TMEM41B: variants seen among roughly 807,000 people sequenced by gnomAD.
TMEM41B encodes the protein protein stasimon.
TMEM41B carries 18 observed loss-of-function variants against 31.9 expected under a neutral mutation model. The observed-to-expected ratio is 0.56, with a 90% confidence interval of 0.39 to 0.84. The LOEUF (loss-of-function observed/expected upper bound fraction) is 0.84, where lower values mean the gene tolerates loss of function less well. Among genes scored for constraint, TMEM41B ranks in the 40% least tolerant of loss-of-function variants. TMEM41B has a pLI of 0.00. For missense variants in TMEM41B, 322 were observed against 348.0 expected (o/e 0.93, Z 0.59); for synonymous variants, 144 against 124.3 (o/e 1.16, Z -1.05).
chr11:9,286,962 T>C (rs1852851102), intron 5 of TMEM41B, among the ~76,000 whole-genome samples: 1 of 151,040 alleles, frequency 6.6e-6, no homozygotes, highest in African/African-American at 2.4e-5. Context: ...ATCACGCCAC[T>C]GCACTTCAGC....
At chr11:9,296,391 C>T (rs1456632935) in intron 2 of TMEM41B, among the ~76,000 whole-genome samples, 2 of 151,468 alleles carry the variant, frequency 1.3e-5, no homozygotes, top group Non-Finnish European at 2.9e-5. Flanking sequence ...TTTGGGAAGC[C>T]GAGGCGGGTG....
At chr11:9,304,445 G>A (rs1651751671) in intron 1 of TMEM41B, among the ~76,000 whole-genome samples, 1 of 152,010 alleles carries the variant, frequency 6.6e-6, no homozygotes, top group Admixed American at 6.6e-5. Flanking sequence ...CGTTGTTTTG[G>A]TTTATAAATA....
intron 3 of TMEM41B, among the ~76,000 whole-genome samples, chr11:9,293,081 A>C (rs781065097): frequency 8.5e-5 from 13 of 152,054 alleles, no homozygotes; most frequent in Admixed American, 2.0e-4. Context: ...CTACCATTTT[A>C]TCTCTCTCCC....
At chr11:9,301,692 A>T (rs1338099293) in intron 1 of TMEM41B, among the ~76,000 whole-genome samples, 1 of 152,098 alleles carries the variant, frequency 6.6e-6, no homozygotes, top group Non-Finnish European at 1.5e-5. Context: ...TGGACACCTC[A>T]CCCAAGTAGT....
At chr11:9,289,107 A>G (rs1289788065) in intron 3 of TMEM41B, among the ~76,000 whole-genome samples, 1 of 152,184 alleles carries the variant, frequency 6.6e-6, no homozygotes, top group Admixed American at 6.5e-5. Context: ...AAGCTCAAGC[A>G]ATTCTCCCAC....
chr11:9,292,121 T>A (rs1340975577), intron 3 of TMEM41B, among the ~76,000 whole-genome samples: 1 of 152,228 alleles, frequency 6.6e-6, no homozygotes, highest in Non-Finnish European at 1.5e-5. Context: ...CACAAAGTAT[T>A]TGCTCAAAGG....
intron 2 of TMEM41B, among the ~76,000 whole-genome samples, chr11:9,297,788 G>C (rs1853135354): frequency 6.6e-6 from 1 of 151,906 alleles, no homozygotes; most frequent in Non-Finnish European, 1.5e-5. Flanking sequence ...CTCCCAAAGT[G>C]CTAGGACTAA....
intron 1 of TMEM41B, among the ~76,000 whole-genome samples, chr11:9,301,256 A>G (rs1564965400): frequency 6.6e-6 from 1 of 151,992 alleles, no homozygotes; most frequent in Non-Finnish European, 1.5e-5. Context: ...TTAGCTGGGC[A>G]TGGTGGTGGG....
At chr11:9,287,190 C>A (rs1264884381) in intron 5 of TMEM41B, among the ~76,000 whole-genome samples, 1 of 151,778 alleles carries the variant, frequency 6.6e-6, no homozygotes, top group East Asian at 1.9e-4. Flanking sequence ...ACCTATAATC[C>A]CAGCTACTTG....
At chr11:9,313,319 T>C (rs1853607772) in intron 1 of TMEM41B, among the ~76,000 whole-genome samples, 1 of 152,228 alleles carries the variant, frequency 6.6e-6, no homozygotes, top group Admixed American at 6.5e-5. Flanking sequence ...TTTTAAATTA[T>C]TTGAAAATAC....
intron 2 of TMEM41B, among the ~76,000 whole-genome samples, chr11:9,295,926 G>A (rs999564558): frequency 1.3e-5 from 2 of 151,726 alleles, no homozygotes; most frequent in African/African-American, 2.4e-5. Context: ...GCGCGATCTC[G>A]GCTCAGTGCA....
chr11:9,296,338 C>A (rs1853084845), intron 2 of TMEM41B, among the ~76,000 whole-genome samples: 2 of 151,700 alleles, frequency 1.3e-5, no homozygotes, highest in Admixed American at 1.3e-4. Flanking sequence ...AGAAATGAAC[C>A]ACTGGCCAGG....
At chr11:9,301,520 A>G (rs1853259233) in intron 1 of TMEM41B, among the ~76,000 whole-genome samples, 1 of 152,184 alleles carries the variant, frequency 6.6e-6, no homozygotes, top group South Asian at 2.1e-4. Context: ...CCTTCTTCAT[A>G]AAAGTTTACA....
At chr11:9,284,740 G>A (rs550960489) in intron 6 of TMEM41B, among the ~76,000 whole-genome samples, 1 of 148,210 alleles carries the variant, frequency 6.7e-6, no homozygotes, top group Admixed American at 7.0e-5. Context: ...TCCAGCCTGG[G>A]CGACAGAGAG....
chr11:9,304,529 G>A (rs762752969), intron 1 of TMEM41B, among the ~76,000 whole-genome samples: 13 of 151,968 alleles, frequency 8.6e-5, no homozygotes, highest in Non-Finnish European at 1.3e-4. Context: ...CTGGAGTGCA[G>A]TGGTGAAATC....
At chr11:9,314,207 C>G in intron 1 of TMEM41B, 114 bp downstream of exon 1, 1 of 1,329,200 alleles carries the variant, frequency 7.5e-7, no homozygotes, top group East Asian at 2.8e-5. Flanking sequence ...CGCCGCGGCG[C>G]CAGCAGGCCC....
chr11:9,314,497 TC>T lies in TMEM41B; in HGVS notation c.-57del. The T allele has an allele frequency of 6.6e-7, 1 of 1,506,718 alleles. No individual in the cohort carries two copies. The highest frequency in any genetic ancestry group is 8.9e-7 in the Non-Finnish European group (1 of 1,122,844). The allele number at this position is 1,506,718 out of a possible 1,614,324, so 93.3% of individuals were successfully genotyped here. A position where few individuals can be genotyped will look rare whatever the true frequency, so the allele number is the denominator to read the frequency against. On this transcript the variant is annotated 5_prime_UTR_variant, in exon 1 of 7. Coordinates refer to ENST00000528080, the MANE Select transcript of TMEM41B (RefSeq NM_015012.4). ...TGCCGCGCCCCCTAAACAACAAAAC[TC>T]TGTTGCAGGCTCCTTACTACGCCGA...
intron 3 of TMEM41B, 83 bp downstream of exon 3, chr11:9,295,176 A>G: frequency 7.9e-7 from 1 of 1,271,042 alleles, no homozygotes; most frequent in Admixed American, 3.6e-5. Flanking sequence ...TAAAAGGAAA[A>G]TAGTTATGTA....
chr11:9,299,240 G>A (rs375628981), intron 2 of TMEM41B, among the ~76,000 whole-genome samples: 2 of 121,028 alleles, frequency 1.7e-5, no homozygotes, highest in East Asian at 5.3e-4. Flanking sequence ...CTGAGATCAC[G>A]CCACTGCATT....
Sources: gnomAD v4.1 joint callset for allele counts (sites outside exome capture counted in the v4.1 genomes callset) on GRCh38, gnomAD v4.1.1 for gene constraint, MANE v1.5 for transcripts, NCBI Gene and HGNC (gene_info 2026-07-23, HGNC 2026-07-21) for gene names.